Variants in SERPINB6 observed in about 807,000 individuals in gnomAD.
SERPINB6 encodes serpin B6.
Under a neutral mutation model 26.1 loss-of-function variants are expected in SERPINB6, and 16 were observed. The observed-to-expected ratio is 0.61, with a 90% CI of 0.42 to 0.93. The LOEUF is 0.93. Ranked by LOEUF, SERPINB6 falls within the 40% of genes least tolerant of loss-of-function variation. The pLI, the probability that SERPINB6 is intolerant of heterozygous loss-of-function variation, is 0.00. For synonymous variants in SERPINB6, 174 were observed against 176.6 expected (o/e 0.99, Z 0.11); for missense variants, 420 against 478.0 (o/e 0.88, Z 1.13).
chr6:2,966,431 T>C, intron 1 of SERPINB6: 1 of 986,688 alleles, frequency 1.0e-6, no homozygotes. Flanking sequence ...CAGATCCGTC[T>C]GTGGTCTGTT....
At chr6:2,951,633 G>A (rs1769823958) in intron 5 of SERPINB6, among the ~76,000 whole-genome samples, 1 of 152,136 alleles carries the variant, frequency 6.6e-6, no homozygotes, top group Admixed American at 6.5e-5. Context: ...TTATATAGAA[G>A]GTAATGAAAT....
At position 2,948,575 on chromosome 6, in the gene SERPINB6, A is replaced by T. The variant is rs758198797; in HGVS notation, c.854T>A (p.Val285Asp). The change falls in exon 7 of 7, where the codon GTC (valine) becomes GAC (aspartate). Residue 285 changes from valine to aspartate, a missense_variant. Physicochemically the swap from Val to Asp is radical, Grantham distance 152. Transcript: ENST00000380539. This position sits in a 1 kb window ranked among gnomAD's most constrained non-coding sequence, Gnocchi z 5.0. ...KLEESYDMES[V>D]LRNLGMTDAF... The stretch of plus-strand genomic sequence containing the variant: ...ATCAGTCATGCCCAGGTTGCGCAGG[A>T]CACTCTCCATGTCGTAGCTTTCCTC... The T allele has an allele frequency of 6.2e-7, 1 of 1,614,186 alleles. No homozygotes were observed. The highest frequency in any genetic ancestry group is 1.1e-5 in the South Asian group (1 of 91,082).
chr6:2,970,274 G>A, intron 1 of SERPINB6: 2 of 985,508 alleles, frequency 2.0e-6, no homozygotes, highest in Non-Finnish European at 2.4e-6. Flanking sequence ...ATGCTGAATT[G>A]TAATAAAATG....
intron 1 of SERPINB6, chr6:2,970,623 A>T: frequency 8.2e-7 from 1 of 1,223,338 alleles, no homozygotes; most frequent in Non-Finnish European, 1.0e-6. Context: ...GTGCCCAAAA[A>T]ATGGACTCAG....
chr6:2,948,978 G>C lies in SERPINB6; in HGVS notation c.665C>G (p.Pro222Arg), dbSNP rs755962397. The C allele has an allele frequency of 6.2e-7, 1 of 1,614,172 alleles. No individual in the cohort carries two copies. The highest frequency in any genetic ancestry group is 8.5e-7 in the Non-Finnish European group (1 of 1,180,022). ...GEIFTQILVL[P>R]YVGKELNMII... is the part of the protein sequence containing the mutation. ...CATATTCAGTTCCTTGCCAACATATGGAAGCACCAAGATTTGGGTAAATAT... is the reference window on the plus strand; with the variant it reads ...CATATTCAGTTCCTTGCCAACATATCGAAGCACCAAGATTTGGGTAAATAT... Residue 222 changes from proline (P) to arginine (R), a missense_variant, in exon 6 of 7, where the codon CCA (proline) becomes CGA (arginine). Pro to Arg is a moderately radical substitution (Grantham distance 103, BLOSUM62 -2). Coordinates refer to ENST00000380539, the MANE Select transcript of SERPINB6 (RefSeq NM_004568.6). This position sits in a 1 kb window ranked among gnomAD's most constrained non-coding sequence, Gnocchi z 5.0.
Position 2,955,203 on chromosome 6 carries a change from C to A in SERPINB6, c.312+321G>T, listed in dbSNP as rs6909276. The A allele has an allele frequency of 9.9e-3, 2,191 of 222,148 alleles. No individual in the cohort carries two copies. The highest frequency in any genetic ancestry group is 0.02 in the Middle Eastern group (11 of 562). 13.8% of individuals were successfully genotyped at this position (222,148 alleles called of 1,614,324 possible). On this transcript the variant is annotated intron_variant, in intron 3 of 6. Coordinates refer to ENST00000380539, the MANE Select transcript of SERPINB6 (RefSeq NM_004568.6). Reference sequence around the variant, plus strand: ...AGATTCTGTCTCAAAAAAAAAAAAACAAAAAAAAAAAAGCAAAAAACACTA... The same window carrying A: ...AGATTCTGTCTCAAAAAAAAAAAAAAAAAAAAAAAAAAGCAAAAAACACTA...
rs113430321 is a variant in SERPINB6 at position 2,969,052 on chromosome 6, T to C, written c.-11+2481A>G. The C allele has an allele frequency of 8.5e-5, 99 of 1,162,614 alleles. No homozygotes were observed. In the African/African-American group the frequency reaches 1.4e-3, roughly 17 times the overall value. The allele number at this position is 1,162,614 out of a possible 1,614,324, so 72.0% of individuals were successfully genotyped here. On this transcript the variant is annotated intron_variant, in intron 1 of 6. Coordinates refer to ENST00000380539, the MANE Select transcript of SERPINB6 (RefSeq NM_004568.6). ...CATTTTCATTATCACTTCGCAATAATGCATAAACACTGAACAATTAATCAT... is the reference window on the plus strand; with the variant it reads ...CATTTTCATTATCACTTCGCAATAACGCATAAACACTGAACAATTAATCAT...
intron 1 of SERPINB6, among the ~76,000 whole-genome samples, chr6:2,965,390 A>T (rs900113541): frequency 6.6e-6 from 1 of 152,124 alleles, no homozygotes; most frequent in Non-Finnish European, 1.5e-5. Flanking sequence ...ACTATAATAC[A>T]TGGCCAATTT....
chr6:2,969,398 AAATT>A (rs35524357), intron 1 of SERPINB6: 140,699 of 967,570 alleles, frequency 0.15, 13,519 homozygotes, highest in African/African-American at 0.45. Context: ...TATTTATGCA[AAATT>A]AATTGTTTCA....
At chr6:2,957,948 C>G (rs1279555821) in intron 2 of SERPINB6, 2 of 152,260 alleles carry the variant, frequency 1.3e-5, no homozygotes, top group East Asian at 3.9e-4. Context: ...CAATACATGC[C>G]TGGCTGGGCT....
rs1770867662 is a variant in SERPINB6 at position 2,959,491 on chromosome 6, TC to T, written c.-10-150del. On this transcript the variant is annotated intron_variant, in intron 1 of 6. Transcript: ENST00000380539. ...CTCTGGCTGTTTCTTTTTAGGACCC[TC>T]CACATTATTTTGTGTGTTTCTAATG... 3 of 761,864 alleles carry T rather than the reference TC, an allele frequency of 3.9e-6. No individual in the cohort carries two copies. In the East Asian group the frequency reaches 7.8e-5, roughly 20 times the overall value. The allele number at this position is 761,864 out of a possible 1,614,324, so 47.2% of individuals were successfully genotyped here. A position where few individuals can be genotyped will look rare whatever the true frequency, so the allele number is the denominator to read the frequency against.
chr6:2,971,004 C>A, intron 1 of SERPINB6: 1 of 1,219,290 alleles, frequency 8.2e-7, no homozygotes, highest in Non-Finnish European at 1.0e-6. Flanking sequence ...CCCTCGGCCT[C>A]TCTCCGCCTC....
chr6:2,971,078 G>C lies in SERPINB6; in HGVS notation c.-11+455C>G, dbSNP rs549842523. ...ACGCGTCCTCCGGGTCGCGGAGCGGGCGAGGGGTCACCGAGGCCGCGGGGC... is the reference window on the plus strand; with the variant it reads ...ACGCGTCCTCCGGGTCGCGGAGCGGCCGAGGGGTCACCGAGGCCGCGGGGC... On this transcript the variant is annotated intron_variant, in intron 1 of 6. Coordinates refer to ENST00000380539, the MANE Select transcript of SERPINB6 (RefSeq NM_004568.6). The C allele has an allele frequency of 3.9e-5, 45 of 1,141,972 alleles. No homozygotes were observed. The African/African-American group carries it at 7.0e-4, about 18-fold the overall frequency. 70.7% of individuals were successfully genotyped at this position (1,141,972 alleles called of 1,614,324 possible).
In SERPINB6 at chr6:2,948,384, A is replaced by T. The variant is rs1254023131; in HGVS notation, c.1045T>A (p.Phe349Ile). The T allele has an allele frequency of 6.2e-7, 1 of 1,614,158 alleles. No homozygotes were observed. The highest frequency in any genetic ancestry group is 1.1e-5 in the South Asian group (1 of 91,090). ...AAAAGGAAGGGGTGGTCGGCGCAGAAGCGGGGGACGAATCTGGCACACCGC... is the reference window on the plus strand; with the variant it reads ...AAAAGGAAGGGGTGGTCGGCGCAGATGCGGGGGACGAATCTGGCACACCGC... ...MMRCARFVPR[F>I]CADHPFLFFI... Residue 349 changes from phenylalanine to isoleucine, a missense_variant, in exon 7 of 7, where the codon TTC (phenylalanine) becomes ATC (isoleucine). Coordinates refer to ENST00000380539, the MANE Select transcript of SERPINB6 (RefSeq NM_004568.6). This position sits in a 1 kb window ranked among gnomAD's most constrained non-coding sequence, Gnocchi z 5.0.
At position 2,967,008 on chromosome 6, in the gene SERPINB6, T is replaced by C; in HGVS notation, c.-11+4525A>G. On this transcript the variant is annotated intron_variant, in intron 1 of 6. Coordinates refer to ENST00000380539, the MANE Select transcript of SERPINB6 (RefSeq NM_004568.6). This position sits in a 1 kb window ranked among gnomAD's most constrained non-coding sequence, Gnocchi z 4.3. ...TTTCCTCCAGACTGGCTCTTTGTTCTCTTTTTCTGTCAAGTACAAAACTCT... is the reference window on the plus strand; with the variant it reads ...TTTCCTCCAGACTGGCTCTTTGTTCCCTTTTTCTGTCAAGTACAAAACTCT... 1.0e-6 allele frequency: 1 copy of C among 985,488 alleles called. No homozygotes were observed. Among genetic ancestry groups the C allele is most frequent in the Non-Finnish European group, 1.2e-6 (1 of 829,954 alleles). The allele number at this position is 985,488 out of a possible 1,614,324, so 61.0% of individuals were successfully genotyped here. A position where few individuals can be genotyped will look rare whatever the true frequency, so the allele number is the denominator to read the frequency against.
chr6:2,965,907 A>G (rs776520303), intron 1 of SERPINB6, among the ~76,000 whole-genome samples: 2 of 152,214 alleles, frequency 1.3e-5, no homozygotes. Flanking sequence ...AGCACAGGGC[A>G]CACACTCTTT....
chr6:2,971,095 C>T, intron 1 of SERPINB6: 1 of 1,101,150 alleles, frequency 9.1e-7, no homozygotes, highest in East Asian at 5.1e-5. Flanking sequence ...GTCACCGAGG[C>T]CGCGGGGCCG....
At chr6:2,949,146 ACT>A (rs1490493190) in intron 5 of SERPINB6, 77 bp from the exon 6 acceptor site, 2 of 1,533,058 alleles carry the variant, frequency 1.3e-6, no homozygotes, top group Admixed American at 3.6e-5. Flanking sequence ...GGAGCTGGCC[ACT>A]CTCTGCAGGG....
At chr6:2,962,136 T>C (rs1481981432) in intron 1 of SERPINB6, 4 of 985,320 alleles carry the variant, frequency 4.1e-6, no homozygotes, top group Non-Finnish European at 4.8e-6. Context: ...TTTATATCAG[T>C]AACTTCAACA....
Sources: gnomAD v4.1 joint callset for allele counts (sites outside exome capture counted in the v4.1 genomes callset) on GRCh38, gnomAD v4.1.1 for gene constraint, Gnocchi (gnomAD v3.1) non-coding constraint, MANE v1.5 for transcripts, NCBI Gene and HGNC (gene_info 2026-07-23, HGNC 2026-07-21) for gene names.